The following PPP2R1A variants were observed in gnomAD, a reference collection of about 807,000 sequenced individuals.
The protein encoded by PPP2R1A is serine/threonine-protein phosphatase 2A 65 kDa regulatory subunit A alpha isoform.
In PPP2R1A, 15 loss-of-function variants were observed where a neutral mutation model predicts 67.1. That is an observed-to-expected ratio of 0.22 (90% confidence interval 0.15 to 0.34). PPP2R1A has a LOEUF of 0.34. Among genes scored for constraint, PPP2R1A ranks in the 10% least tolerant of loss-of-function variants. The pLI, the probability that PPP2R1A is intolerant of heterozygous loss-of-function variation, is 1.00. For missense variants in PPP2R1A, 369 were observed against 775.0 expected (o/e 0.48, Z 6.22); for synonymous variants, 337 against 325.0 (o/e 1.04, Z -0.40).
At chr19:52,205,559 C>G (rs890417566) in intron 2 of PPP2R1A, among the ~76,000 whole-genome samples, 2 of 152,210 alleles carry the variant, frequency 1.3e-5, no homozygotes, top group African/African-American at 4.8e-5. Flanking sequence ...GCAGAGGGAA[C>G]AGTGCTGAGG....
chr19:52,203,281 G>A (rs1425749521), intron 2 of PPP2R1A, among the ~76,000 whole-genome samples: 1 of 152,174 alleles, frequency 6.6e-6, no homozygotes, highest in East Asian at 1.9e-4. Context: ...AAGAGTAGGT[G>A]TCTGCTCGTA....
chr19:52,193,926 A>G (rs1799337168), intron 1 of PPP2R1A, among the ~76,000 whole-genome samples: 1 of 151,244 alleles, frequency 6.6e-6, no homozygotes. Flanking sequence ...AGCCTGGGCA[A>G]CAAAGTGAGA....
In PPP2R1A at chr19:52,219,634, T is replaced by C; in HGVS notation, c.1129-57T>C. ...TGATGCAGCTGAGCTCTTTCCATCC[T>C]GTCCTGGGTTGCTGTGTGCATTGCA... On this transcript the variant is annotated intron_variant, in intron 9 of 14. Transcript: ENST00000322088. The surrounding 1 kb of genome is among the most constrained non-coding windows in gnomAD (Gnocchi z 4.0). The C allele has an allele frequency of 6.6e-7, 1 of 1,511,216 alleles. No individual in the cohort carries two copies. Among genetic ancestry groups the C allele is most frequent in the East Asian group, 2.3e-5 (1 of 43,356 alleles). The allele number at this position is 1,511,216 out of a possible 1,614,324, so 93.6% of individuals were successfully genotyped here. A position where few individuals can be genotyped will look rare whatever the true frequency, so the allele number is the denominator to read the frequency against.
chr19:52,199,663 A>G (rs558386603), intron 1 of PPP2R1A, among the ~76,000 whole-genome samples: 1 of 152,314 alleles, frequency 6.6e-6, no homozygotes, highest in African/African-American at 2.4e-5. Flanking sequence ...CCACGCAAGC[A>G]GAGTTCAGTA....
At chr19:52,199,143 C>T (rs1395873577) in intron 1 of PPP2R1A, among the ~76,000 whole-genome samples, 1 of 151,970 alleles carries the variant, frequency 6.6e-6, no homozygotes, top group African/African-American at 2.4e-5. Flanking sequence ...CAATACTCCC[C>T]ACAGTATTTT....
chr19:52,217,052 T>G (rs1277125961), intron 9 of PPP2R1A, among the ~76,000 whole-genome samples: 1 of 152,048 alleles, frequency 6.6e-6, no homozygotes, highest in Non-Finnish European at 1.5e-5. Flanking sequence ...TAGCCAGGCA[T>G]GGTGGCGAGT....
Position 52,211,674 on chromosome 19 carries a change from C to T in PPP2R1A, c.503+182C>T. 1 of 632,832 alleles carries T rather than the reference C, an allele frequency of 1.6e-6. No homozygotes were observed. Among genetic ancestry groups the T allele is most frequent in the East Asian group, 2.8e-5 (1 of 35,946 alleles). 39.2% of individuals were successfully genotyped at this position (632,832 alleles called of 1,614,324 possible). On this transcript the variant is annotated intron_variant, in intron 4 of 14. Transcript: ENST00000322088. This position sits in a 1 kb window ranked among gnomAD's most constrained non-coding sequence, Gnocchi z 5.3. ...TTGGTCTCTGGACACGGCCACGTGT[C>T]AGTTTACCCACCTCTGCCCCCTTGC...
chr19:52,190,168 C>T lies in PPP2R1A; in HGVS notation c.72C>T (p.Asp24=), dbSNP rs1245168319. ...AVLIDELRNE[D]VQLRLNSIKK... ...TCATAGACGAACTCCGCAATGAGGA[C>T]GTTCAGGTCCGGAGGCTACGGGGGA... Residue 24 remains aspartate (D), a synonymous_variant, in exon 1 of 15, where the codon GAC becomes GAT. Coordinates refer to ENST00000322088, the MANE Select transcript of PPP2R1A (RefSeq NM_014225.6). The T allele has an allele frequency of 1.3e-6, 2 of 1,550,892 alleles. No homozygotes were observed. Among genetic ancestry groups the T allele is most frequent in the African/African-American group, 1.4e-5 (1 of 73,078 alleles).
chr19:52,213,113 A>C lies in PPP2R1A; in HGVS notation c.807+3A>C. On this transcript the variant is annotated splice_donor_region_variant and intron_variant, in intron 6 of 14. Transcript: ENST00000322088. This position sits in a 1 kb window ranked among gnomAD's most constrained non-coding sequence, Gnocchi z 4.2. The stretch of plus-strand genomic sequence containing the variant: ...TGGTGGCTGACAAGTTCACAGAGGT[A>C]GATGAGCGACCGTTGACATTGTCCC... 1 of 1,557,582 alleles carries C rather than the reference A, an allele frequency of 6.4e-7. No homozygotes were observed. The highest frequency in any genetic ancestry group is 8.6e-7 in the Non-Finnish European group (1 of 1,157,172).
At chr19:52,203,289 G>A (rs531648640) in intron 2 of PPP2R1A, among the ~76,000 whole-genome samples, 4 of 152,164 alleles carry the variant, frequency 2.6e-5, no homozygotes, top group African/African-American at 4.8e-5. Context: ...GTGTCTGCTC[G>A]TATGACACTG....
In PPP2R1A at chr19:52,216,524, C is replaced by G. The variant is rs1978585374; in HGVS notation, c.994-5C>G. 4.3e-6 allele frequency: 7 copies of G among 1,614,166 alleles called. No individual in the cohort carries two copies. Among genetic ancestry groups the G allele is most frequent in the Admixed American group, 1.7e-5 (1 of 60,020 alleles). On this transcript the variant is annotated splice_polypyrimidine_tract_variant and splice_region_variant and intron_variant, in intron 8 of 14. Coordinates refer to ENST00000322088, the MANE Select transcript of PPP2R1A (RefSeq NM_014225.6). The surrounding 1 kb of genome is among the most constrained non-coding windows in gnomAD (Gnocchi z 4.3). Reference sequence around the variant, plus strand: ...ACCCCTGTGCCTGCCTCTTCTCTCTCCCAGGAGCTGGTGTCCGATGCCAAC... The same window carrying G: ...ACCCCTGTGCCTGCCTCTTCTCTCTGCCAGGAGCTGGTGTCCGATGCCAAC...
rs145186222 is a variant in PPP2R1A, at chr19:52,216,414, C to G, written c.994-115C>G. Reference sequence around the variant, plus strand: ...CCTGTACCCTAAGCCATCCCCTGCTCTATGAATGAGAGGGGCAGAAGCAGG... The same window carrying G: ...CCTGTACCCTAAGCCATCCCCTGCTGTATGAATGAGAGGGGCAGAAGCAGG... On this transcript the variant is annotated intron_variant, in intron 8 of 14. Transcript: ENST00000322088. This position sits in a 1 kb window ranked among gnomAD's most constrained non-coding sequence, Gnocchi z 4.3. 61 of 1,363,368 alleles carry G rather than the reference C, an allele frequency of 4.5e-5. No individual in the cohort carries two copies. In the African/African-American group the frequency reaches 8.2e-4, roughly 18 times the overall value. The allele number at this position is 1,363,368 out of a possible 1,614,324, so 84.5% of individuals were successfully genotyped here. A position where few individuals can be genotyped will look rare whatever the true frequency, so the allele number is the denominator to read the frequency against.
Position 52,220,659 on chromosome 19 carries a change from A to G in PPP2R1A, c.1364-320A>G, listed in dbSNP as rs201024307. Among the ~76,000 whole-genome samples the G allele has an allele frequency of 1.6e-4, 24 of 152,292 alleles. No homozygotes were observed. The East Asian group carries it at 4.6e-3, about 29-fold the overall frequency. ...TAAGAGAGGTAAAAAATAAAAGGTAATATTTATCTCTGTGAAGCCCTGTTT... is the reference window on the plus strand; with the variant it reads ...TAAGAGAGGTAAAAAATAAAAGGTAGTATTTATCTCTGTGAAGCCCTGTTT... On this transcript the variant is annotated intron_variant, in intron 11 of 14. Coordinates refer to ENST00000322088, the MANE Select transcript of PPP2R1A (RefSeq NM_014225.6).
chr19:52,207,848 G>A (rs1389363590), intron 3 of PPP2R1A, among the ~76,000 whole-genome samples: 1 of 152,138 alleles, frequency 6.6e-6, no homozygotes, highest in African/African-American at 2.4e-5. Flanking sequence ...GAGGGCTCCT[G>A]GTTGCTTTCA....
intron 1 of PPP2R1A, among the ~76,000 whole-genome samples, chr19:52,193,726 C>T (rs2089474248): frequency 1.3e-5 from 2 of 152,118 alleles, no homozygotes; most frequent in Admixed American, 6.5e-5. Flanking sequence ...CCCACCACCA[C>T]ATCCAGCTAA....
chr19:52,200,615 T>C (rs964599068), intron 1 of PPP2R1A, among the ~76,000 whole-genome samples: 7 of 152,194 alleles, frequency 4.6e-5, no homozygotes, highest in South Asian at 4.1e-4. Flanking sequence ...GAATTTATTC[T>C]CTCACAGTTC....
rs370447919 is a variant in PPP2R1A, at chr19:52,219,871, G to A, written c.1302+7G>A. 31 of 1,607,400 alleles carry A rather than the reference G, an allele frequency of 1.9e-5. No individual in the cohort carries two copies. The Middle Eastern group carries it at 5.2e-4, about 27-fold the overall frequency. On this transcript the variant is annotated splice_region_variant and intron_variant, in intron 10 of 14. Coordinates refer to ENST00000322088, the MANE Select transcript of PPP2R1A (RefSeq NM_014225.6). The surrounding 1 kb of genome is among the most constrained non-coding windows in gnomAD (Gnocchi z 4.0). ...CCTCCTGGCTGGACAGCTGGTGAGT[G>A]AGGAGGCCTGGGGGCCAGGCAGTGC...
At position 52,190,329 on chromosome 19, in the gene PPP2R1A, T is replaced by G. The variant is rs1451300020; in HGVS notation, c.78+155T>G. ...TTATCTCCCCGGTTGCCCGGACTCCTTGAGACGGCGCTCCCGATTGGGTGT... is the reference window on the plus strand; with the variant it reads ...TTATCTCCCCGGTTGCCCGGACTCCGTGAGACGGCGCTCCCGATTGGGTGT... On this transcript the variant is annotated intron_variant, in intron 1 of 14. Coordinates refer to ENST00000322088, the MANE Select transcript of PPP2R1A (RefSeq NM_014225.6). The G allele has an allele frequency of 5.8e-6, 5 of 864,612 alleles. No homozygotes were observed. The South Asian group carries it at 8.5e-5, about 15-fold the overall frequency. 53.6% of individuals were successfully genotyped at this position (864,612 alleles called of 1,614,324 possible).
rs1174185361 is a variant in PPP2R1A at position 52,212,653 on chromosome 19, T to A, written c.504-33T>A. The A allele has an allele frequency of 6.2e-7, 1 of 1,606,280 alleles. No individual in the cohort carries two copies. Among genetic ancestry groups the A allele is most frequent in the Non-Finnish European group, 8.5e-7 (1 of 1,179,692 alleles). On this transcript the variant is annotated intron_variant, in intron 4 of 14. Transcript: ENST00000322088. The surrounding 1 kb of genome is among the most constrained non-coding windows in gnomAD (Gnocchi z 4.1). Reference sequence around the variant, plus strand: ...GCTTGCTCCTCTCTGCCATACTGCCTGCTGCCTCAGGATCCCCGTCCCCGA... The same window carrying A: ...GCTTGCTCCTCTCTGCCATACTGCCAGCTGCCTCAGGATCCCCGTCCCCGA...
Sources: gnomAD v4.1 joint callset for allele counts (sites outside exome capture counted in the v4.1 genomes callset) on GRCh38, gnomAD v4.1.1 for gene constraint, Gnocchi (gnomAD v3.1) non-coding constraint, MANE v1.5 for transcripts, NCBI Gene and HGNC (gene_info 2026-07-23, HGNC 2026-07-21) for gene names.